KHDRBS2: variants seen among roughly 807,000 people sequenced by gnomAD.
The protein encoded by KHDRBS2 is KH RNA binding domain containing, signal transduction associated 2.
In KHDRBS2, 26 loss-of-function variants were observed where a neutral mutation model predicts 44.3. The observed-to-expected ratio is 0.59, with a 90% CI of 0.43 to 0.81. The LOEUF is 0.81. KHDRBS2 is among the 40% of genes least tolerant of loss of function. KHDRBS2 has a pLI of 0.00. For missense variants in KHDRBS2, 476 were observed against 433.1 expected (o/e 1.10, Z -0.88); for synonymous variants, 194 against 151.1 (o/e 1.28, Z -2.08).
chr6:61,905,084 C>T (rs777897176), intron 4 of KHDRBS2, among the ~76,000 whole-genome samples: 39 of 152,182 alleles, frequency 2.6e-4, no homozygotes, highest in South Asian at 6.2e-4. Flanking sequence ...TGATTACTGA[C>T]GACCAAAAAG....
At chr6:61,966,081 A>G (rs1769871516) in intron 4 of KHDRBS2, among the ~76,000 whole-genome samples, 1 of 151,870 alleles carries the variant, frequency 6.6e-6, no homozygotes, top group East Asian at 1.9e-4. Context: ...GGGAAAATAA[A>G]TCTCTGGATG....
At position 61,963,000 on chromosome 6, in the gene KHDRBS2, T is replaced by C. The variant is rs548837828; in HGVS notation, c.483+15066A>G. ...CAATGCTAAATATTTGTGCTGGCCA[T>C]TCTGTTTTTATTTCTCACACTGACA... On this transcript the variant is annotated intron_variant, in intron 4 of 8. Transcript: ENST00000281156. Among the ~76,000 whole-genome samples the C allele has an allele frequency of 2.0e-5, 3 of 152,220 alleles. No homozygotes were observed. In the South Asian group the frequency reaches 6.2e-4, roughly 32 times the overall value.
At chr6:61,929,004 A>G (rs1321437149) in intron 4 of KHDRBS2, among the ~76,000 whole-genome samples, 2 of 152,152 alleles carry the variant, frequency 1.3e-5, no homozygotes, top group Non-Finnish European at 2.9e-5. Flanking sequence ...ACAATATCAT[A>G]TTTTAACAGT....
the KHDRBS2 span, among the ~76,000 whole-genome samples, chr6:61,550,506 G>A: frequency 2.0e-5 from 3 of 152,152 alleles, no homozygotes; most frequent in Non-Finnish European, 2.9e-5. Context: ...CAATATGAGT[G>A]CATGTGTCTT....
chr6:62,242,930 C>T (rs1180229132), intron 1 of KHDRBS2, among the ~76,000 whole-genome samples: 2 of 152,148 alleles, frequency 1.3e-5, no homozygotes, highest in Non-Finnish European at 2.9e-5. Context: ...AACCATAACA[C>T]TCACAGAATG....
the KHDRBS2 span, among the ~76,000 whole-genome samples, chr6:61,673,651 T>C: frequency 1.5e-5 from 2 of 136,554 alleles, no homozygotes; most frequent in African/African-American, 5.5e-5. Context: ...GAGAGCCAAA[T>C]CATGAGTGAA....
chr6:61,849,332 T>A (rs1795115263), intron 6 of KHDRBS2, among the ~76,000 whole-genome samples: 1 of 152,132 alleles, frequency 6.6e-6, no homozygotes, highest in African/African-American at 2.4e-5. Context: ...AGAGTAATGA[T>A]TTCACCTCTT....
chr6:61,566,231 G>A, the KHDRBS2 span, among the ~76,000 whole-genome samples: 1 of 152,146 alleles, frequency 6.6e-6, no homozygotes, highest in African/African-American at 2.4e-5. Flanking sequence ...ACCAGAGGCT[G>A]AGAAGTGCAG....
chr6:61,807,589 T>G (rs1787372237), intron 6 of KHDRBS2, among the ~76,000 whole-genome samples: 1 of 152,048 alleles, frequency 6.6e-6, no homozygotes, highest in Non-Finnish European at 1.5e-5. Context: ...AAATACCACA[T>G]GTGTCTCACA....
intron 4 of KHDRBS2, among the ~76,000 whole-genome samples, chr6:61,955,049 C>T (rs1276074231): frequency 2.5e-4 from 36 of 142,872 alleles, no homozygotes; most frequent in African/African-American, 8.7e-4. Flanking sequence ...TGTATGTATA[C>T]ATATATGTAT....
chr6:61,773,103 G>T (rs1406426622), intron 6 of KHDRBS2, among the ~76,000 whole-genome samples: 2 of 152,180 alleles, frequency 1.3e-5, no homozygotes, highest in East Asian at 1.9e-4. Context: ...ATAAACATAC[G>T]TGTGCATGTG....
At chr6:61,992,252 T>C (rs1553392) in intron 3 of KHDRBS2, among the ~76,000 whole-genome samples, 47,097 of 152,116 alleles carry the variant, frequency 0.31, 8,528 homozygotes, top group Middle Eastern at 0.43. Context: ...ACTTTTAAAA[T>C]TTGACACTGG....
intron 3 of KHDRBS2, among the ~76,000 whole-genome samples, chr6:61,987,631 A>C (rs779738544): frequency 2.0e-5 from 3 of 152,152 alleles, no homozygotes; most frequent in Non-Finnish European, 4.4e-5. Flanking sequence ...CCTTAGCCTG[A>C]ATGGGATTGT....
intron 6 of KHDRBS2, among the ~76,000 whole-genome samples, chr6:61,824,371 G>T (rs575421875): frequency 4.0e-5 from 6 of 151,150 alleles, no homozygotes; most frequent in African/African-American, 1.5e-4. Flanking sequence ...CCCCCTTCAT[G>T]CTCTCTCTCT....
intron 1 of KHDRBS2, among the ~76,000 whole-genome samples, chr6:62,251,819 C>T (rs1440878991): frequency 1.3e-5 from 2 of 150,892 alleles, no homozygotes; most frequent in Non-Finnish European, 3.0e-5. Context: ...TATGCAAAGC[C>T]TCACATTTTT....
chr6:61,568,276 T>G, the KHDRBS2 span, among the ~76,000 whole-genome samples: 1 of 152,222 alleles, frequency 6.6e-6, no homozygotes, highest in Non-Finnish European at 1.5e-5. Context: ...AGTAAAGTGA[T>G]GCCTTCCACT....
At chr6:61,893,028 T>G (rs1583368795) in intron 6 of KHDRBS2, among the ~76,000 whole-genome samples, 3 of 152,146 alleles carry the variant, frequency 2.0e-5, no homozygotes, top group African/African-American at 7.2e-5. Context: ...ATATCCAGAA[T>G]CTACAATGAA....
At chr6:61,712,436 T>G (rs1770663143) in intron 7 of KHDRBS2, among the ~76,000 whole-genome samples, 1 of 151,846 alleles carries the variant, frequency 6.6e-6, no homozygotes, top group South Asian at 2.1e-4. Context: ...TAGAGACCAA[T>G]GTATGCAAAT....
chr6:61,749,389 C>G (rs560975481), intron 6 of KHDRBS2, among the ~76,000 whole-genome samples: 126 of 152,242 alleles, frequency 8.3e-4, no homozygotes, highest in African/African-American at 3.0e-3. Flanking sequence ...TAGTAAATAG[C>G]TGTCTATGAA....
Sources: gnomAD v4.1 joint callset for allele counts (sites outside exome capture counted in the v4.1 genomes callset) on GRCh38, gnomAD v4.1.1 for gene constraint, MANE v1.5 for transcripts, NCBI Gene and HGNC (gene_info 2026-07-23, HGNC 2026-07-21) for gene names.